Variants in ARMC2 observed in about 807,000 individuals in gnomAD.
ARMC2 encodes armadillo repeat containing 2.
Under a neutral mutation model 90.3 loss-of-function variants are expected in ARMC2, and 67 were observed. The ratio of observed to expected loss-of-function variants is 0.74; its 90% confidence interval spans 0.61 to 0.91. The LOEUF (loss-of-function observed/expected upper bound fraction) is 0.91. ARMC2 is among the 40% of genes least tolerant of loss of function. The pLI, the probability that ARMC2 is intolerant of heterozygous loss-of-function variation, is 0.00. For missense variants in ARMC2, 920 were observed against 1,030.9 expected, an observed-to-expected ratio of 0.89 and a Z score of 1.47; for synonymous variants, 393 against 393.0, an observed-to-expected ratio of 1.00 and a Z score of 0.00.
intron 10 of ARMC2, among the ~76,000 whole-genome samples, chr6:108,926,222 GTCTGTCTGCATGGGAGTTACACAGGCA>G (rs1775090268): frequency 6.6e-6 from 1 of 152,170 alleles, no homozygotes; most frequent in Admixed American, 6.5e-5. Flanking sequence ...TTCCCATGAT[GTCTGTCTGCATGGGAGTTACACAGGCA>G]TCTGTACTCT....
chr6:108,850,150 C>T (rs916944166), intron 1 of ARMC2, among the ~76,000 whole-genome samples: 2 of 152,166 alleles, frequency 1.3e-5, no homozygotes, highest in African/African-American at 4.8e-5. Flanking sequence ...TGAGCTTTCA[C>T]CCAGACCAGT....
chr6:108,953,482 A>G lies in ARMC2; in HGVS notation c.1915+131A>G, dbSNP rs184091934. On this transcript the variant is annotated intron_variant, in intron 13 of 17. Coordinates refer to ENST00000392644, the MANE Select transcript of ARMC2 (RefSeq NM_032131.6). ...CTCCCTATGAGAAAGTCTTAGCTGTATGAAGGAAATTCCCTCTTCTGTTCA... is the reference window on the plus strand; with the variant it reads ...CTCCCTATGAGAAAGTCTTAGCTGTGTGAAGGAAATTCCCTCTTCTGTTCA... 1.5e-5 allele frequency: 13 copies of G among 883,730 alleles called. No homozygotes were observed. The Admixed American group carries it at 2.1e-4, about 14-fold the overall frequency. The allele number at this position is 883,730 out of a possible 1,614,324, so 54.7% of individuals were successfully genotyped here. A position where few individuals can be genotyped will look rare whatever the true frequency, so the allele number is the denominator to read the frequency against.
the ARMC2 span, among the ~76,000 whole-genome samples, chr6:109,022,406 TA>T: frequency 4.5e-4 from 64 of 142,468 alleles, no homozygotes; most frequent in African/African-American, 1.5e-3. Flanking sequence ...GGCATTGTTC[TA>T]AAGCTTTTTT....
intron 12 of ARMC2, 21 bp downstream of exon 12, chr6:108,937,020 A>C (rs1389894455): frequency 6.5e-7 from 1 of 1,531,574 alleles, no homozygotes; most frequent in Non-Finnish European, 8.9e-7. Flanking sequence ...CATTCATTTA[A>C]TTCTTCAATG....
At chr6:108,928,003 T>G (rs117262000) in intron 10 of ARMC2, 85 bp from the exon 11 acceptor site, 18,751 of 1,295,172 alleles carry the variant, frequency 0.014, 176 homozygotes, top group Middle Eastern at 0.036. Context: ...ATAAGGAAAT[T>G]TATGAAATGA....
the ARMC2 span, among the ~76,000 whole-genome samples, chr6:109,051,163 CA>C: frequency 2.7e-5 from 4 of 150,392 alleles, no homozygotes; most frequent in African/African-American, 4.9e-5. Context: ...AAAAAAACAA[CA>C]AAAAAAAACT....
intron 12 of ARMC2, among the ~76,000 whole-genome samples, chr6:108,951,392 T>G (rs375795444): frequency 6.6e-6 from 1 of 152,184 alleles, no homozygotes; most frequent in Non-Finnish European, 1.5e-5. Flanking sequence ...GAGCAGGGTC[T>G]CCTAATTGGA....
chr6:109,019,423 A>G, the ARMC2 span, among the ~76,000 whole-genome samples: 1 of 152,226 alleles, frequency 6.6e-6, no homozygotes, highest in African/African-American at 2.4e-5. Flanking sequence ...TAGAGCCTTA[A>G]AGAGAAAAAG....
the ARMC2 span, among the ~76,000 whole-genome samples, chr6:109,046,500 G>A: frequency 1.4e-5 from 2 of 147,918 alleles, no homozygotes; most frequent in African/African-American, 2.5e-5. Context: ...CTGCCCGGCC[G>A]CCACCCCGTC....
At chr6:109,030,364 A>G in the ARMC2 span, among the ~76,000 whole-genome samples, 1 of 152,250 alleles carries the variant, frequency 6.6e-6, no homozygotes, top group African/African-American at 2.4e-5. Flanking sequence ...TGTCCAGAGC[A>G]TTTATGTAAA....
chr6:108,966,690 G>C (rs1778399015), intron 17 of ARMC2, among the ~76,000 whole-genome samples: 1 of 151,934 alleles, frequency 6.6e-6, no homozygotes, highest in Non-Finnish European at 1.5e-5. Context: ...GACTCAGGTT[G>C]CAGGGAGCAG....
chr6:108,970,050 T>A (rs984554150), intron 17 of ARMC2, among the ~76,000 whole-genome samples: 1 of 152,008 alleles, frequency 6.6e-6, no homozygotes, highest in African/African-American at 2.4e-5. Context: ...AAAAAAAAAT[T>A]GAATCATAGA....
chr6:109,018,687 CA>C, the ARMC2 span, among the ~76,000 whole-genome samples: 3 of 152,170 alleles, frequency 2.0e-5, no homozygotes, highest in Non-Finnish European at 4.4e-5. Flanking sequence ...TGTTTGAAAT[CA>C]TTTTTTTCAC....
chr6:108,857,742 T>G (rs1204507412), intron 2 of ARMC2, among the ~76,000 whole-genome samples: 1 of 151,182 alleles, frequency 6.6e-6, no homozygotes, highest in African/African-American at 2.4e-5. Flanking sequence ...TCTGCTGATA[T>G]GTATTCTCTT....
chr6:108,913,567 C>A (rs989748717), intron 10 of ARMC2, among the ~76,000 whole-genome samples: 1 of 152,080 alleles, frequency 6.6e-6, no homozygotes, highest in African/African-American at 2.4e-5. Flanking sequence ...ATAGTAATTT[C>A]TAATTATAGA....
At chr6:109,014,964 T>C in the ARMC2 span, among the ~76,000 whole-genome samples, 9 of 152,218 alleles carry the variant, frequency 5.9e-5, no homozygotes, top group Non-Finnish European at 1.5e-5. Context: ...AAAATCAGAA[T>C]GTCTGTATTT....
chr6:109,047,406 G>A, the ARMC2 span, among the ~76,000 whole-genome samples: 3 of 135,056 alleles, frequency 2.2e-5, no homozygotes, highest in Admixed American at 7.0e-5. Flanking sequence ...GCCTCTGCCC[G>A]GCCGCCCCTA....
intron 10 of ARMC2, 34 bp from the exon 11 acceptor site, chr6:108,928,054 C>CA (rs764956765): frequency 1.2e-5 from 19 of 1,564,390 alleles, no homozygotes; most frequent in Middle Eastern, 1.7e-4. Flanking sequence ...TTTTTCAGTT[C>CA]AAAAAAAATG....
At chr6:108,869,559 T>G (rs951827634) in intron 4 of ARMC2, among the ~76,000 whole-genome samples, 1 of 152,212 alleles carries the variant, frequency 6.6e-6, no homozygotes, top group African/African-American at 2.4e-5. Flanking sequence ...GGATGGTTCA[T>G]GTATATTAGA....
Sources: gnomAD v4.1 joint callset for allele counts (sites outside exome capture counted in the v4.1 genomes callset) on GRCh38, gnomAD v4.1.1 for gene constraint, MANE v1.5 for transcripts, NCBI Gene and HGNC (gene_info 2026-07-23, HGNC 2026-07-21) for gene names.